Variants in MDN1 observed in about 807,000 individuals in gnomAD.
MDN1 encodes midasin.
Under a neutral mutation model 669.2 loss-of-function variants are expected in MDN1, and 266 were observed. The observed-to-expected ratio is 0.40, with a 90% CI of 0.36 to 0.44. The LOEUF is 0.44. Ranked by LOEUF, MDN1 falls within the 20% of genes least tolerant of loss-of-function variation. The probability of loss-of-function intolerance (pLI) is 1.00; values close to 1 mark genes in which losing one functional copy is unlikely to be tolerated. For missense variants in MDN1, 5,940 were observed against 6,754.0 expected (o/e 0.88, Z 4.22); for synonymous variants, 2,385 against 2,457.1 (o/e 0.97, Z 0.87).
At chr6:89,658,401 A>G in intron 89 of MDN1, 31 bp from the exon 90 acceptor site, 1 of 1,613,456 alleles carries the variant, frequency 6.2e-7, no homozygotes, top group South Asian at 1.1e-5. Flanking sequence ...ACAGCATTAA[A>G]TGCTCTGGGG....
At position 89,695,524 on chromosome 6, in the gene MDN1, A is replaced by T; in HGVS notation, c.9771+81T>A. The T allele has an allele frequency of 6.7e-7, 1 of 1,491,360 alleles. No homozygotes were observed. Among genetic ancestry groups the T allele is most frequent in the Non-Finnish European group, 9.0e-7 (1 of 1,110,036 alleles). The allele number at this position is 1,491,360 out of a possible 1,614,324, so 92.4% of individuals were successfully genotyped here. On this transcript the variant is annotated intron_variant, in intron 61 of 101. Coordinates refer to ENST00000369393, the MANE Select transcript of MDN1 (RefSeq NM_014611.3). This position sits in a 1 kb window ranked among gnomAD's most constrained non-coding sequence, Gnocchi z 4.1. ...GCTTGTGATGATCTGAGCACCCAAAAGGGAATAAAAGGAGTAATACAATAA... is the reference window on the plus strand; with the variant it reads ...GCTTGTGATGATCTGAGCACCCAAATGGGAATAAAAGGAGTAATACAATAA...
intron 1 of MDN1, 21 bp from the exon 2 acceptor site, chr6:89,803,575 C>T (rs1463200407): frequency 4.6e-6 from 7 of 1,519,254 alleles, no homozygotes; most frequent in African/African-American, 4.1e-5. Context: ...CAAAACAAAA[C>T]ATCTTTCACT....
intron 75 of MDN1, 102 bp downstream of exon 75, chr6:89,678,476 GCCTGTACCTTCTGTTGTCCAC>G: frequency 8.7e-7 from 1 of 1,147,446 alleles, no homozygotes; most frequent in Non-Finnish European, 1.2e-6. Context: ...TGGAAACCTT[GCCTGTACCTTCTGTTGTCCAC>G]CATCTCAACT....
intron 2 of MDN1, among the ~76,000 whole-genome samples, chr6:89,798,773 G>A (rs1203510982): frequency 6.6e-6 from 1 of 152,172 alleles, no homozygotes; most frequent in South Asian, 2.1e-4. Context: ...ATGTACTTGT[G>A]TGTATACTCT....
At chr6:89,796,748 T>C (rs1819630753) in intron 2 of MDN1, among the ~76,000 whole-genome samples, 2 of 152,286 alleles carry the variant, frequency 1.3e-5, no homozygotes, top group South Asian at 4.1e-4. Flanking sequence ...ATAATTAGCA[T>C]GCATTAGATG....
chr6:89,681,971 G>A (rs1811640774), intron 73 of MDN1, among the ~76,000 whole-genome samples: 1 of 152,094 alleles, frequency 6.6e-6, no homozygotes, highest in African/African-American at 2.4e-5. Context: ...TCTCCTGAGG[G>A]GTGTCTTCCA....
chr6:89,643,724 G>C lies in MDN1; in HGVS notation c.*281C>G, dbSNP rs1268432974. 1 of 284,466 alleles carries C rather than the reference G, an allele frequency of 3.5e-6. No individual in the cohort carries two copies. Among genetic ancestry groups the C allele is most frequent in the Non-Finnish European group, 6.5e-6 (1 of 153,266 alleles). The allele number at this position is 284,466 out of a possible 1,614,324, so 17.6% of individuals were successfully genotyped here. A position where few individuals can be genotyped will look rare whatever the true frequency, so the allele number is the denominator to read the frequency against. The stretch of plus-strand genomic sequence containing the variant: ...AACAGGCAGCTGGGCTCCAACGGTG[G>C]GGTATGACCTCCTCCCAGGCCAGGG... On this transcript the variant is annotated 3_prime_UTR_variant, in exon 102 of 102. Coordinates refer to ENST00000369393, the MANE Select transcript of MDN1 (RefSeq NM_014611.3).
rs780019847 is a variant in MDN1, at chr6:89,644,978, T to A, written c.16602+37A>T. The stretch of plus-strand genomic sequence containing the variant: ...GAACAGGTTGAAGGGAATCCCCACT[T>A]TACCTCCAGAAAAGGTGGCTTTTAG... On this transcript the variant is annotated intron_variant, in intron 101 of 101. Coordinates refer to ENST00000369393, the MANE Select transcript of MDN1 (RefSeq NM_014611.3). 8 of 1,564,500 alleles carry A rather than the reference T, an allele frequency of 5.1e-6. No individual in the cohort carries two copies. The South Asian group carries it at 9.2e-5, about 18-fold the overall frequency.
intron 1 of MDN1, among the ~76,000 whole-genome samples, chr6:89,806,763 T>TAAAAAAAGCTTAATTAAAAAAAAAAAA (rs1768053611): frequency 6.6e-6 from 1 of 151,878 alleles, no homozygotes; most frequent in Non-Finnish European, 1.5e-5. Context: ...AAAAATTTTT[T>TAAAAAAAGCTTAATTAAAAAAAAAAAA]TTTTTTTAAT....
Position 89,780,238 on chromosome 6 carries a change from A to T in MDN1, c.1699T>A (p.Ser567Thr). The T allele has an allele frequency of 6.3e-7, 1 of 1,584,094 alleles. No individual in the cohort carries two copies. The highest frequency in any genetic ancestry group is 8.6e-7 in the Non-Finnish European group (1 of 1,166,892). The change falls in exon 11 of 102, where the codon TCA becomes ACA. Residue 567 changes from serine (S) to threonine (T), a missense_variant. Coordinates refer to ENST00000369393, the MANE Select transcript of MDN1 (RefSeq NM_014611.3). ...TCTTGAAAAATATTTAATGATGCTG[A>T]TAAAGATGAACTGTCAAAGCTATGG... is the stretch of plus-strand genomic sequence containing the variant. ...IAHSFDSSSLSASLNIFQEAL... is the reference protein window; with the variant it reads ...IAHSFDSSSLTASLNIFQEAL...
chr6:89,707,749 T>G (rs1016170821), intron 51 of MDN1, among the ~76,000 whole-genome samples: 2 of 152,146 alleles, frequency 1.3e-5, no homozygotes, highest in African/African-American at 4.8e-5. Flanking sequence ...CTCTTCAAAG[T>G]GGCCATGGTA....
rs138520139 is a variant in MDN1, at chr6:89,743,369, T to C, written c.4318-89A>G. 2.5e-4 allele frequency: 383 copies of C among 1,519,612 alleles called. 1 individual carries two copies. The Middle Eastern group carries it at 3.1e-3, about 12-fold the overall frequency. The allele number at this position is 1,519,612 out of a possible 1,614,324, so 94.1% of individuals were successfully genotyped here. A position where few individuals can be genotyped will look rare whatever the true frequency, so the allele number is the denominator to read the frequency against. On this transcript the variant is annotated intron_variant, in intron 30 of 101. Transcript: ENST00000369393. ...CTGGCTGGTGTTTCCAGGGGTGAAG[T>C]AGGCATTCTGAGGAAAGTAAGAATC...
At chr6:89,815,695 T>C (rs760022519) in intron 1 of MDN1, among the ~76,000 whole-genome samples, 2 of 152,222 alleles carry the variant, frequency 1.3e-5, no homozygotes, top group African/African-American at 2.4e-5. Flanking sequence ...TACTTGACCT[T>C]GAGCCTGGTA....
In MDN1 at chr6:89,762,509, C is replaced by T. The variant is rs1562192900; in HGVS notation, c.2166G>A (p.Lys722=). Residue 722 remains lysine (K), a synonymous_variant, in exon 16 of 102, where the codon AAG becomes AAA. Transcript: ENST00000369393. Reference sequence around the variant, plus strand: ...CCTCCCGTAAGGGTAGCCAAATAAGCTTATGGTCCACCGGTTTATAACTGA... The same window carrying T: ...CCTCCCGTAAGGGTAGCCAAATAAGTTTATGGTCCACCGGTTTATAACTGA... ...LLGGYKPVDH[K]LIWLPLREAF... is the part of the protein sequence containing the mutation. The T allele has an allele frequency of 6.2e-7, 1 of 1,613,458 alleles. No homozygotes were observed. The highest frequency in any genetic ancestry group is 8.5e-7 in the Non-Finnish European group (1 of 1,179,532).
In MDN1 at chr6:89,759,351, A is replaced by G. The variant is rs78124007; in HGVS notation, c.2461-391T>C. Among the ~76,000 whole-genome samples the G allele has an allele frequency of 2.2e-3, 332 of 152,356 alleles. 4 individuals carry two copies. The highest frequency in any genetic ancestry group is 7.6e-3 in the African/African-American group (315 of 41,586). ...TCCCAGAGTGTTTAGTGATTGTCAT[A>G]CACTGCCTTTCACACCTACTGAAGA... On this transcript the variant is annotated intron_variant, in intron 17 of 101. Transcript: ENST00000369393.
At chr6:89,752,790 A>G (rs1001374449) in intron 22 of MDN1, among the ~76,000 whole-genome samples, 5 of 152,190 alleles carry the variant, frequency 3.3e-5, no homozygotes, top group South Asian at 2.1e-4. Context: ...AAAAACAAAA[A>G]TATATCCAAG....
chr6:89,724,938 G>A (rs1347299578), intron 38 of MDN1, among the ~76,000 whole-genome samples: 2 of 152,182 alleles, frequency 1.3e-5, no homozygotes, highest in East Asian at 3.9e-4. Flanking sequence ...TCATCCCAGA[G>A]TGCAGTCACA....
intron 61 of MDN1, among the ~76,000 whole-genome samples, chr6:89,694,857 C>G (rs752158127): frequency 6.6e-6 from 1 of 152,108 alleles, no homozygotes; most frequent in Admixed American, 6.6e-5. Context: ...CCAGCCTCTA[C>G]TTGATTCTTG....
At position 89,643,194 on chromosome 6, in the gene MDN1, G is replaced by A. The variant is rs1013959555; in HGVS notation, c.*811C>T. On this transcript the variant is annotated 3_prime_UTR_variant, in exon 102 of 102. Transcript: ENST00000369393. ...CAGTCCAGCTTGAAAGCAGTGTGAG[G>A]AATCACTCTTCCCCTTGACTGTTAA... The A allele has an allele frequency of 3.3e-5, 5 of 151,790 alleles. No homozygotes were observed. Among genetic ancestry groups the A allele is most frequent in the African/African-American group, 1.2e-4 (5 of 41,270 alleles). The allele number at this position is 151,790 out of a possible 1,614,324, so 9.4% of individuals were successfully genotyped here. A position where few individuals can be genotyped will look rare whatever the true frequency, so the allele number is the denominator to read the frequency against.
Sources: gnomAD v4.1 joint callset for allele counts (sites outside exome capture counted in the v4.1 genomes callset) on GRCh38, gnomAD v4.1.1 for gene constraint, Gnocchi (gnomAD v3.1) non-coding constraint, MANE v1.5 for transcripts, NCBI Gene and HGNC (gene_info 2026-07-23, HGNC 2026-07-21) for gene names.